The following SGCZ variants were observed in gnomAD, a reference collection of about 807,000 sequenced individuals.
SGCZ encodes sarcoglycan zeta.
Under a neutral mutation model 41.3 loss-of-function variants are expected in SGCZ, and 40 were observed. That is an observed-to-expected ratio of 0.97 (90% CI 0.75 to 1.26). The LOEUF (loss-of-function observed/expected upper bound fraction) is 1.26. SGCZ is among the 50% of genes most tolerant of loss of function. SGCZ has a pLI of 0.00. For missense variants in SGCZ, 552 were observed against 369.8 expected (o/e 1.49, Z -4.04); for synonymous variants, 206 against 137.5 (o/e 1.50, Z -3.49).
At chr8:14,600,888 C>T (rs137926341) in intron 1 of SGCZ, among the ~76,000 whole-genome samples, 197 of 151,198 alleles carry the variant, frequency 1.3e-3, no homozygotes, top group African/African-American at 4.5e-3. Flanking sequence ...AGACCTCAAG[C>T]CTTCTGATAT....
intron 1 of SGCZ, among the ~76,000 whole-genome samples, chr8:15,030,174 TA>T (rs1803607698): frequency 2.0e-5 from 3 of 152,088 alleles, no homozygotes; most frequent in African/African-American, 4.8e-5. Context: ...AGGATCCCCT[TA>T]AAGGGCGCTG....
chr8:15,170,660 C>T (rs1045406784), intron 1 of SGCZ, among the ~76,000 whole-genome samples: 6 of 152,168 alleles, frequency 3.9e-5, no homozygotes, highest in Non-Finnish European at 5.9e-5. Flanking sequence ...TCTATGCACG[C>T]TCTTTCAAAA....
Position 14,085,032 on chromosome 8 carries a change from C to T in SGCZ, c.*5411G>A, listed in dbSNP as rs1170428209. 6.6e-6 allele frequency among the ~76,000 whole-genome samples: 1 copy of T among 151,640 alleles called. No individual in the cohort carries two copies. The highest frequency in any genetic ancestry group is 1.5e-5 in the Non-Finnish European group (1 of 67,802). ...GCCAAAACTTTGCTGCATTTTCTCT[C>T]CCCCAAAATATACCCCAATTAAGTT... On this transcript the variant is annotated 3_prime_UTR_variant, in exon 8 of 8. Transcript: ENST00000382080.
intron 1 of SGCZ, among the ~76,000 whole-genome samples, chr8:15,133,019 T>C (rs1334420290): frequency 6.6e-6 from 1 of 152,092 alleles, no homozygotes; most frequent in African/African-American, 2.4e-5. Flanking sequence ...GGCGTGGGCC[T>C]GTAGTCCCAG....
At position 14,207,572 on chromosome 8, in the gene SGCZ, T is replaced by A. The variant is rs575010429; in HGVS notation, c.424+30020A>T. On this transcript the variant is annotated intron_variant, in intron 4 of 7. Transcript: ENST00000382080. ...CTTAAATATCTTTTTTGTAGTGTGT[T>A]TTTTTTCAGTTTACTATGTTAAGTT... Among the ~76,000 whole-genome samples the A allele has an allele frequency of 3.5e-4, 54 of 152,280 alleles. 2 individuals are homozygous for A. In the South Asian group the frequency reaches 0.011, roughly 31 times the overall value.
intron 5 of SGCZ, among the ~76,000 whole-genome samples, chr8:14,128,120 C>A (rs971697868): frequency 6.6e-6 from 1 of 152,140 alleles, no homozygotes. Context: ...GAAAAAAATG[C>A]TTATACACTG....
At chr8:14,798,239 G>T (rs552243266) in intron 1 of SGCZ, among the ~76,000 whole-genome samples, 58 of 152,316 alleles carry the variant, frequency 3.8e-4, no homozygotes, top group Admixed American at 1.6e-3. Context: ...GACCCAATGA[G>T]GAAAGTATAG....
At chr8:14,677,197 A>G (rs1468526934) in intron 1 of SGCZ, among the ~76,000 whole-genome samples, 1 of 152,084 alleles carries the variant, frequency 6.6e-6, no homozygotes, top group Admixed American at 6.5e-5. Context: ...ATTAAAACAC[A>G]GCATCATTTA....
chr8:14,732,256 C>G (rs1585216807), intron 1 of SGCZ, among the ~76,000 whole-genome samples: 1 of 152,208 alleles, frequency 6.6e-6, no homozygotes, highest in East Asian at 1.9e-4. Context: ...GCCTGCAGCT[C>G]TTATCTTATC....
chr8:14,394,007 GA>G (rs1227190949), intron 2 of SGCZ, among the ~76,000 whole-genome samples: 2 of 151,976 alleles, frequency 1.3e-5, no homozygotes, highest in Admixed American at 1.3e-4. Context: ...ACCTTTTCTT[GA>G]AAGTAACTGT....
intron 1 of SGCZ, among the ~76,000 whole-genome samples, chr8:14,729,441 G>C (rs935227899): frequency 2.0e-5 from 3 of 152,080 alleles, no homozygotes; most frequent in Non-Finnish European, 4.4e-5. Flanking sequence ...AGGTAATTAA[G>C]GTTAAATTAA....
chr8:15,076,657 G>A (rs1345218928), intron 1 of SGCZ, among the ~76,000 whole-genome samples: 1 of 151,748 alleles, frequency 6.6e-6, no homozygotes, highest in African/African-American at 2.4e-5. Flanking sequence ...TCCCAAACCA[G>A]CCAGAAGGTA....
intron 1 of SGCZ, among the ~76,000 whole-genome samples, chr8:15,233,396 T>C (rs1015648734): frequency 1.3e-5 from 2 of 151,956 alleles, no homozygotes; most frequent in Admixed American, 6.5e-5. Flanking sequence ...TCTTATTTGA[T>C]TTAAATTGTA....
intron 1 of SGCZ, among the ~76,000 whole-genome samples, chr8:15,092,443 GA>G (rs1227824565): frequency 2.0e-5 from 3 of 152,104 alleles, no homozygotes; most frequent in Non-Finnish European, 4.4e-5. Flanking sequence ...TAGTAATTTG[GA>G]AGTGGGAAAA....
At chr8:14,289,180 C>T (rs1178778010) in intron 3 of SGCZ, among the ~76,000 whole-genome samples, 1 of 150,294 alleles carries the variant, frequency 6.7e-6, no homozygotes, top group Non-Finnish European at 1.5e-5. Context: ...AGAGTTTTAT[C>T]AGATATATTA....
chr8:14,670,691 G>T (rs938092518), intron 1 of SGCZ, among the ~76,000 whole-genome samples: 1 of 152,152 alleles, frequency 6.6e-6, no homozygotes, highest in Non-Finnish European at 1.5e-5. Flanking sequence ...ACTCTCAATG[G>T]TCCAAGTCCT....
chr8:14,695,994 A>G (rs1808949011), intron 1 of SGCZ, among the ~76,000 whole-genome samples: 1 of 152,294 alleles, frequency 6.6e-6, no homozygotes, highest in South Asian at 2.1e-4. Context: ...GTGAAATTTT[A>G]TAAGATATTG....
intron 4 of SGCZ, among the ~76,000 whole-genome samples, chr8:14,223,346 G>C (rs1229790985): frequency 3.9e-5 from 6 of 151,978 alleles, no homozygotes; most frequent in African/African-American, 7.3e-5. Flanking sequence ...ATTTTCATTT[G>C]AATTGCTTTA....
chr8:14,171,916 T>C (rs1168311026), intron 4 of SGCZ, among the ~76,000 whole-genome samples: 1 of 152,150 alleles, frequency 6.6e-6, no homozygotes, highest in Non-Finnish European at 1.5e-5. Flanking sequence ...AGAATAAATG[T>C]CAAAATTAAC....
Sources: allele counts gnomAD v4.1 joint callset (sites outside exome capture counted in the v4.1 genomes callset), GRCh38; gene constraint gnomAD v4.1.1; transcripts MANE v1.5; gene names NCBI Gene and HGNC (gene_info 2026-07-23, HGNC 2026-07-21).